Variants in URGCP observed in about 807,000 individuals in gnomAD.
URGCP encodes up-regulator of cell proliferation.
A neutral mutation model predicts 24.6 loss-of-function variants in URGCP; 13 were observed. The ratio of observed to expected loss-of-function variants is 0.53; its 90% CI spans 0.34 to 0.84. URGCP has a LOEUF of 0.84. URGCP is among the 40% of genes least tolerant of loss of function. The pLI is 0.01. For missense variants in URGCP, 899 were observed against 1,194.3 expected, an observed-to-expected ratio of 0.75 and a Z score of 3.64; for synonymous variants, 444 against 487.2, an observed-to-expected ratio of 0.91 and a Z score of 1.17.
upstream of URGCP, among the ~76,000 whole-genome samples, chr7:43,909,222 A>C (rs1311694839): frequency 1.3e-5 from 2 of 152,190 alleles, no homozygotes; most frequent in African/African-American, 4.8e-5. Flanking sequence ...ACACTAATAT[A>C]CATATACTTA....
chr7:43,920,832 C>T (rs2095921545), intron 1 of URGCP, among the ~76,000 whole-genome samples: 1 of 152,102 alleles, frequency 6.6e-6, no homozygotes, highest in African/African-American at 2.4e-5. Context: ...GATAGGTCCC[C>T]CTCAAAATCT....
At chr7:43,881,625 T>A (rs145862047) in intron 5 of URGCP, 34 bp downstream of exon 5, 453 of 1,614,018 alleles carry the variant, frequency 2.8e-4, no homozygotes, top group Non-Finnish European at 3.7e-4. Context: ...CCCCCTTTCA[T>A]AGAACAGAGA....
chr7:43,904,581 T>C (rs1321715704), intron 1 of URGCP, among the ~76,000 whole-genome samples: 1 of 152,212 alleles, frequency 6.6e-6, no homozygotes, highest in Non-Finnish European at 1.5e-5. Flanking sequence ...TAGACTCTGA[T>C]CTACCAGGGA....
chr7:43,904,743 T>C lies in URGCP; in HGVS notation c.14+1819A>G, dbSNP rs568500927. On this transcript the variant is annotated intron_variant, in intron 1 of 5. Transcript: ENST00000453200. ...ATGTGTCATTTGGCAATTTGGTCCT[T>C]GTGTGAGCATCATAGGGCAAACTTA... is the stretch of plus-strand genomic sequence containing the variant. 8.5e-5 allele frequency among the ~76,000 whole-genome samples: 13 copies of C among 152,318 alleles called. 1 individual carries two copies. The South Asian group carries it at 2.7e-3, about 32-fold the overall frequency.
chr7:43,887,193 A>T (rs1273888598), intron 3 of URGCP, among the ~76,000 whole-genome samples: 1 of 152,252 alleles, frequency 6.6e-6, no homozygotes, highest in Admixed American at 6.5e-5. Context: ...AGTGTTGCCC[A>T]TAAAAAAAAC....
intron 1 of URGCP, among the ~76,000 whole-genome samples, chr7:43,925,221 A>C (rs911450637): frequency 2.0e-5 from 3 of 152,186 alleles, no homozygotes; most frequent in African/African-American, 7.2e-5. Flanking sequence ...GGGAGCGTGA[A>C]AGCCAGGGAC....
At chr7:43,918,012 G>A (rs1389723408) in intron 1 of URGCP, among the ~76,000 whole-genome samples, 1 of 151,976 alleles carries the variant, frequency 6.6e-6, no homozygotes, top group Non-Finnish European at 1.5e-5. Flanking sequence ...AGTGGTTCAC[G>A]CCTGTAATCC....
At chr7:43,913,765 C>T (rs1250884448) in intron 1 of URGCP, among the ~76,000 whole-genome samples, 1 of 150,848 alleles carries the variant, frequency 6.6e-6, no homozygotes, top group Non-Finnish European at 1.5e-5. Flanking sequence ...GTGGCATGAT[C>T]TTGGCTCACT....
Position 43,879,187 on chromosome 7 carries a change from G to A in URGCP, c.276C>T (p.Leu92=). The A allele has an allele frequency of 1.2e-6, 2 of 1,614,004 alleles. No homozygotes were observed. Among genetic ancestry groups the A allele is most frequent in the Non-Finnish European group, 1.7e-6 (2 of 1,180,040 alleles). Residue 92 remains leucine, a synonymous_variant, in exon 6 of 6, where the codon CTC becomes CTT. Transcript: ENST00000453200. Reference sequence around the variant, plus strand: ...CAAAACTGATCTGCAGAGAGTCCTGGAGGCTGAGTTTCTGGACCTGGTACG... The same window carrying A: ...CAAAACTGATCTGCAGAGAGTCCTGAAGGCTGAGTTTCTGGACCTGGTACG... ...LETYQVQKLS[L]QDSLQISFDS...
intron 1 of URGCP, among the ~76,000 whole-genome samples, chr7:43,889,907 A>AT (rs11386546): frequency 0.14 from 20,038 of 145,624 alleles, 1,520 homozygotes; most frequent in Admixed American, 0.19. Flanking sequence ...ACTGGAAGCA[A>AT]TTTTTTTTTT....
chr7:43,920,045 AC>A lies in URGCP; in HGVS notation c.-116+6086del, dbSNP rs1179829719. 3 of 1,307,642 alleles carry A rather than the reference AC, an allele frequency of 2.3e-6. No individual in the cohort carries two copies. The East Asian group carries it at 6.9e-5, about 30-fold the overall frequency. The allele number at this position is 1,307,642 out of a possible 1,614,324, so 81.0% of individuals were successfully genotyped here. ...ATGGCCAGACTACATCTCCTGGGGC[AC>A]CCAGGAGCAGTGAGTCCCCTAGGAC... On this transcript the variant is annotated intron_variant, in intron 1 of 5. Coordinates refer to the URGCP transcript ENST00000426198.
At chr7:43,885,490 GAACTCACAT>G (rs1343640641) in intron 3 of URGCP, among the ~76,000 whole-genome samples, 2 of 148,590 alleles carry the variant, frequency 1.3e-5, no homozygotes, top group Non-Finnish European at 3.0e-5. Flanking sequence ...TGCTCAAGAG[GAACTCACAT>G]AACTCATGAA....
chr7:43,920,985 T>C (rs1342751435), intron 1 of URGCP, among the ~76,000 whole-genome samples: 1 of 152,174 alleles, frequency 6.6e-6, no homozygotes, highest in African/African-American at 2.4e-5. Context: ...CTGGATCTGC[T>C]GCTGTTTGTC....
At chr7:43,886,892 C>A (rs1361669029) in intron 3 of URGCP, among the ~76,000 whole-genome samples, 3 of 152,152 alleles carry the variant, frequency 2.0e-5, no homozygotes, top group African/African-American at 7.2e-5. Flanking sequence ...GGCGTTACAG[C>A]CCCACCCCCA....
In URGCP at chr7:43,877,820, A is replaced by AC. The variant is rs1327047868; in HGVS notation, c.1642dup (p.Val548GlyfsTer15). ...GCTGATCCCCGAGATGAACTCCTGCACCCCCGAGGAGGGATCATGGCCGTT... is the reference window on the plus strand; with the variant it reads ...GCTGATCCCCGAGATGAACTCCTGCACCCCCCGAGGAGGGATCATGGCCGTT... On this transcript the variant is annotated frameshift_variant, in exon 6 of 6. Transcript: ENST00000453200. LOFTEE classifies it low-confidence loss of function (END_TRUNC). 6.2e-7 allele frequency: 1 copy of AC among 1,606,504 alleles called. No homozygotes were observed. Among genetic ancestry groups the AC allele is most frequent in the Non-Finnish European group, 8.5e-7 (1 of 1,176,254 alleles).
rs754624458 is a variant in URGCP, at chr7:43,916,097, A to G, written c.-116+10035T>C. Among the ~76,000 whole-genome samples, 6 of 152,084 alleles carry G rather than the reference A, an allele frequency of 3.9e-5. 1 individual carries two copies. Among genetic ancestry groups the G allele is most frequent in the Non-Finnish European group, 8.8e-5 (6 of 68,006 alleles). ...CTCCGGGCATCTTTTTCTTTTCTCC[A>G]TCCTGTCAGCAGTTAACAAAGCCCT... On this transcript the variant is annotated intron_variant, in intron 1 of 5. Coordinates refer to the URGCP transcript ENST00000426198.
At chr7:43,915,277 G>C (rs1320751202) in intron 1 of URGCP, among the ~76,000 whole-genome samples, 1 of 152,146 alleles carries the variant, frequency 6.6e-6, no homozygotes, top group East Asian at 1.9e-4. Flanking sequence ...CCCATACAGG[G>C]ACATGAGGAG....
chr7:43,894,629 T>TA (rs1411503574), intron 1 of URGCP, among the ~76,000 whole-genome samples: 4 of 152,126 alleles, frequency 2.6e-5, no homozygotes, highest in Admixed American at 2.6e-4. Context: ...CAAAGTGCTG[T>TA]AATTACAGGC....
intron 1 of URGCP, chr7:43,919,692 C>T: frequency 7.3e-7 from 1 of 1,377,388 alleles, no homozygotes; most frequent in Non-Finnish European, 1.0e-6. Flanking sequence ...GGACCCCACC[C>T]AGGTCCACAA....
Sources: allele counts gnomAD v4.1 joint callset (sites outside exome capture counted in the v4.1 genomes callset), GRCh38; gene constraint gnomAD v4.1.1; transcripts MANE v1.5; gene names NCBI Gene and HGNC (gene_info 2026-07-23, HGNC 2026-07-21).